The following ADAMTS12 variants were observed in gnomAD, a reference collection of about 807,000 sequenced individuals.
ADAMTS12 encodes the protein A disintegrin and metalloproteinase with thrombospondin motifs 12.
A neutral mutation model predicts 167.8 loss-of-function variants in ADAMTS12; 118 were observed. That is an observed-to-expected ratio of 0.70 (90% CI 0.61 to 0.82). ADAMTS12 has a LOEUF of 0.82. Among genes scored for constraint, ADAMTS12 ranks in the 40% least tolerant of loss-of-function variants. The probability of loss-of-function intolerance (pLI) is 0.00; values close to 1 mark genes in which losing one functional copy is unlikely to be tolerated. For synonymous variants in ADAMTS12, 704 were observed against 716.9 expected (o/e 0.98, Z 0.29); for missense variants, 1,916 against 1,998.8 (o/e 0.96, Z 0.79).
intron 1 of ADAMTS12, among the ~76,000 whole-genome samples, chr5:33,881,901 T>C (rs1190956838): frequency 3.3e-5 from 5 of 152,114 alleles, no homozygotes; most frequent in Non-Finnish European, 4.4e-5. Context: ...AAAATCCCAC[T>C]GTTGACTTGA....
chr5:33,840,247 G>A (rs1219957468), intron 2 of ADAMTS12: 4 of 152,164 alleles, frequency 2.6e-5, no homozygotes, highest in Non-Finnish European at 5.9e-5. Flanking sequence ...CTTCCTCTTT[G>A]TAAGATCTCA....
At chr5:33,655,335 G>A (rs1344068673) in intron 7 of ADAMTS12, among the ~76,000 whole-genome samples, 1 of 151,962 alleles carries the variant, frequency 6.6e-6, no homozygotes, top group Non-Finnish European at 1.5e-5. Context: ...ACAACCTCTG[G>A]GAACAGCCTC....
intron 5 of ADAMTS12, among the ~76,000 whole-genome samples, chr5:33,664,934 A>C (rs1161431475): frequency 6.6e-6 from 1 of 152,210 alleles, no homozygotes; most frequent in Non-Finnish European, 1.5e-5. Flanking sequence ...TAAGGTATAC[A>C]TATCATATAT....
At chr5:33,658,822 T>C (rs1741151223) in intron 6 of ADAMTS12, among the ~76,000 whole-genome samples, 1 of 152,242 alleles carries the variant, frequency 6.6e-6, no homozygotes, top group South Asian at 2.1e-4. Flanking sequence ...AGAGATTTAA[T>C]ACTTGTCTAT....
intron 2 of ADAMTS12, among the ~76,000 whole-genome samples, chr5:33,797,228 C>T (rs1165619567): frequency 1.3e-5 from 2 of 152,158 alleles, no homozygotes; most frequent in South Asian, 2.1e-4. Flanking sequence ...CTTTTACAGA[C>T]CTTGAGTGGT....
intron 15 of ADAMTS12, 30 bp from the exon 16 acceptor site, chr5:33,614,406 C>T: frequency 6.2e-7 from 1 of 1,610,962 alleles, no homozygotes. Context: ...TCATGTCAAA[C>T]TGTCATGACT....
intron 2 of ADAMTS12, among the ~76,000 whole-genome samples, chr5:33,793,134 G>A (rs1322460257): frequency 1.3e-5 from 2 of 152,138 alleles, no homozygotes; most frequent in East Asian, 1.9e-4. Flanking sequence ...CCTCAATTAC[G>A]GCTATCCAAT....
chr5:33,692,865 G>A lies in ADAMTS12; in HGVS notation c.635-8810C>T, dbSNP rs572293678. On this transcript the variant is annotated intron_variant, in intron 3 of 23. Coordinates refer to ENST00000504830, the MANE Select transcript of ADAMTS12 (RefSeq NM_030955.4). The stretch of plus-strand genomic sequence containing the variant: ...GAAGTCATATATTTACTCTTGTTCC[G>A]GAGAAAATAATCCCATGAGTCCTAC... 7.8e-4 allele frequency among the ~76,000 whole-genome samples: 119 copies of A among 152,276 alleles called. 2 individuals carry two copies. The highest frequency in any genetic ancestry group is 6.1e-3 in the Admixed American group (94 of 15,290).
rs898344889 is a variant in ADAMTS12 at position 33,587,069 on chromosome 5, T to C, written c.2865+1530A>G. On this transcript the variant is annotated intron_variant, in intron 18 of 23. Transcript: ENST00000504830. ...TTTTTTTTTTTTAATTTCACCTAGATGCCCAAGAGAACATCCTGTACAGAT... is the reference window on the plus strand; with the variant it reads ...TTTTTTTTTTTTAATTTCACCTAGACGCCCAAGAGAACATCCTGTACAGAT... 2.0e-5 allele frequency among the ~76,000 whole-genome samples: 3 copies of C among 152,030 alleles called. No individual in the cohort carries two copies. In the Middle Eastern group the frequency reaches 0.01, roughly 517 times the overall value.
intron 19 of ADAMTS12, among the ~76,000 whole-genome samples, chr5:33,567,190 G>T (rs1014756344): frequency 2.0e-5 from 3 of 152,134 alleles, no homozygotes; most frequent in Non-Finnish European, 4.4e-5. Flanking sequence ...ATATTTTAAT[G>T]GTTCTGATAT....
intron 2 of ADAMTS12, among the ~76,000 whole-genome samples, chr5:33,864,094 T>C (rs1561315721): frequency 1.3e-5 from 2 of 152,116 alleles, no homozygotes; most frequent in South Asian, 2.1e-4. Flanking sequence ...CCTAAAACCA[T>C]AAAAACCCTA....
chr5:33,539,542 T>C (rs1444888854), intron 22 of ADAMTS12, among the ~76,000 whole-genome samples: 1 of 152,182 alleles, frequency 6.6e-6, no homozygotes, highest in Non-Finnish European at 1.5e-5. Flanking sequence ...ATAACTTTGA[T>C]ATTTGATCTT....
intron 16 of ADAMTS12, among the ~76,000 whole-genome samples, chr5:33,609,126 T>C (rs1738590793): frequency 6.6e-6 from 1 of 152,162 alleles, no homozygotes. Context: ...GGTTGTCATA[T>C]TAAATAAATG....
intron 2 of ADAMTS12, among the ~76,000 whole-genome samples, chr5:33,835,069 A>G (rs62349833): frequency 0.046 from 7,057 of 152,266 alleles, 260 homozygotes; most frequent in East Asian, 0.18. Context: ...TTCAAATACT[A>G]TCTCTTTAAA....
At chr5:33,835,383 C>A (rs766615508) in intron 2 of ADAMTS12, among the ~76,000 whole-genome samples, 3 of 152,200 alleles carry the variant, frequency 2.0e-5, no homozygotes, top group Non-Finnish European at 2.9e-5. Flanking sequence ...TTTGCACTAA[C>A]TTTGTAAAAT....
chr5:33,666,238 C>T (rs955910943), intron 5 of ADAMTS12, among the ~76,000 whole-genome samples: 2 of 152,310 alleles, frequency 1.3e-5, no homozygotes, highest in Non-Finnish European at 1.5e-5. Context: ...GGCGCAGGGC[C>T]GGCCAGAAAA....
At chr5:33,625,347 A>G (rs1479606100) in intron 13 of ADAMTS12, among the ~76,000 whole-genome samples, 1 of 125,056 alleles carries the variant, frequency 8.0e-6, no homozygotes, top group African/African-American at 2.8e-5. Flanking sequence ...TAACAATGGG[A>G]AAAAAAGCAA....
chr5:33,841,897 C>G (rs757668084), intron 2 of ADAMTS12, among the ~76,000 whole-genome samples: 33 of 152,172 alleles, frequency 2.2e-4, no homozygotes, highest in Non-Finnish European at 7.3e-5. Context: ...AATCTTTCAG[C>G]CAGGGCCACA....
At chr5:33,657,744 T>G (rs570772529) in intron 7 of ADAMTS12, among the ~76,000 whole-genome samples, 1 of 152,190 alleles carries the variant, frequency 6.6e-6, no homozygotes, top group African/African-American at 2.4e-5. Context: ...TTTCAAGAGG[T>G]TGTTAAGCAG....
Sources: gnomAD v4.1 joint callset for allele counts (sites outside exome capture counted in the v4.1 genomes callset) on GRCh38, gnomAD v4.1.1 for gene constraint, MANE v1.5 for transcripts, NCBI Gene and HGNC (gene_info 2026-07-23, HGNC 2026-07-21) for gene names.